Variants in BMPER observed in about 807,000 individuals in gnomAD.
BMPER encodes BMP-binding endothelial regulator protein.
In BMPER, 45 loss-of-function variants were observed where a neutral mutation model predicts 87.3. The ratio of observed to expected loss-of-function variants is 0.52; its 90% CI spans 0.41 to 0.66. The LOEUF (loss-of-function observed/expected upper bound fraction) is 0.66, where lower values mean the gene tolerates loss of function less well. BMPER is among the 30% of genes least tolerant of loss of function. The pLI is 0.00. For synonymous variants in BMPER, 326 were observed against 316.2 expected, an observed-to-expected ratio of 1.03 and a Z score of -0.33; for missense variants, 784 against 867.5, an observed-to-expected ratio of 0.90 and a Z score of 1.21.
chr7:34,079,333 C>T lies in BMPER; in HGVS notation c.1408+147C>T, dbSNP rs1251412242. ...GCCAGGTTCCAACTGCGGGACTTGCCTCATCCCCACTCACAGGGAAGTCAC... is the reference window on the plus strand; with the variant it reads ...GCCAGGTTCCAACTGCGGGACTTGCTTCATCCCCACTCACAGGGAAGTCAC... On this transcript the variant is annotated intron_variant, in intron 12 of 14. Transcript: ENST00000649409. 1.1e-5 allele frequency: 11 copies of T among 969,816 alleles called. No individual in the cohort carries two copies. The East Asian group carries it at 2.6e-4, about 23-fold the overall frequency. 60.1% of individuals were successfully genotyped at this position (969,816 alleles called of 1,614,324 possible). A position where few individuals can be genotyped will look rare whatever the true frequency, so the allele number is the denominator to read the frequency against.
chr7:34,012,437 T>C (rs1037368353), intron 6 of BMPER, among the ~76,000 whole-genome samples: 18 of 151,956 alleles, frequency 1.2e-4, no homozygotes, highest in African/African-American at 4.3e-4. Context: ...GGAAACTGAC[T>C]CACTTTTCAG....
chr7:34,078,509 T>C (rs1788924437), intron 11 of BMPER, among the ~76,000 whole-genome samples: 1 of 152,228 alleles, frequency 6.6e-6, no homozygotes, highest in South Asian at 2.1e-4. Context: ...TATACTTACT[T>C]TGCTCTTGTA....
chr7:33,919,300 AG>A (rs1006323644), intron 2 of BMPER, among the ~76,000 whole-genome samples: 3 of 152,162 alleles, frequency 2.0e-5, no homozygotes, highest in Admixed American at 6.6e-5. Flanking sequence ...GACTTTTTCA[AG>A]GGAGATATTT....
chr7:33,962,408 T>G (rs56759297), intron 3 of BMPER, among the ~76,000 whole-genome samples: 1 of 152,168 alleles, frequency 6.6e-6, no homozygotes, highest in Non-Finnish European at 1.5e-5. Context: ...AAGAACCATA[T>G]TGAGCTTTGT....
chr7:34,082,328 G>GTTTTTTTTTTTT (rs55748957), intron 12 of BMPER, among the ~76,000 whole-genome samples: 2 of 116,418 alleles, frequency 1.7e-5, no homozygotes, highest in Admixed American at 9.7e-5. Flanking sequence ...CAACTTATTA[G>GTTTTTTTTTTTT]TTTTTTTTTT....
At chr7:33,955,951 A>G (rs922774024) in intron 3 of BMPER, among the ~76,000 whole-genome samples, 1 of 152,146 alleles carries the variant, frequency 6.6e-6, no homozygotes, top group East Asian at 1.9e-4. Flanking sequence ...TGCCAAAACA[A>G]TGTGATGGAA....
intron 13 of BMPER, among the ~76,000 whole-genome samples, chr7:34,112,227 G>T (rs1252759323): frequency 6.6e-6 from 1 of 151,996 alleles, no homozygotes; most frequent in Non-Finnish European, 1.5e-5. Context: ...AGGCGCGGTG[G>T]CTCACACCTG....
rs769898399 is a variant in BMPER at position 34,143,248 on chromosome 7, G to A, written c.1764G>A (p.Met588Ile). The change falls in exon 14 of 15, where the codon ATG becomes ATA. Residue 588 changes from methionine to isoleucine, a missense_variant. Coordinates refer to ENST00000649409, the MANE Select transcript of BMPER (RefSeq NM_001365308.1). ...CCTATAGGTCCTGTGTGACAGACAT[G>A]TGTGAATGTCCAGTCCATAAAAACT... ...ATFYRSCVTD[M>I]CECPVHKNCY... 5.0e-6 allele frequency: 8 copies of A among 1,613,916 alleles called. No individual in the cohort carries two copies. In the African/African-American group the frequency reaches 8.0e-5, roughly 16 times the overall value.
chr7:34,009,483 G>A (rs1213214908), intron 6 of BMPER, among the ~76,000 whole-genome samples: 1 of 151,882 alleles, frequency 6.6e-6, no homozygotes, highest in Non-Finnish European at 1.5e-5. Flanking sequence ...TACAAGACTG[G>A]TGTATTGGCC....
rs149222110 is a variant in BMPER, at chr7:34,067,676, A to G, written c.1078+5629A>G. On this transcript the variant is annotated intron_variant, in intron 11 of 14. Coordinates refer to ENST00000649409, the MANE Select transcript of BMPER (RefSeq NM_001365308.1). ...AAGTGGCCACTGAAGTTTCTGCTCCAGCATCTGGAGTCGGGCTTGACACTG... is the reference window on the plus strand; with the variant it reads ...AAGTGGCCACTGAAGTTTCTGCTCCGGCATCTGGAGTCGGGCTTGACACTG... Among the ~76,000 whole-genome samples the G allele has an allele frequency of 4.4e-3, 675 of 152,296 alleles. 5 individuals are homozygous for G. Among genetic ancestry groups the G allele is most frequent in the African/African-American group, 0.015 (628 of 41,574 alleles).
At chr7:34,118,575 T>C (rs541019876) in intron 13 of BMPER, among the ~76,000 whole-genome samples, 1 of 152,100 alleles carries the variant, frequency 6.6e-6, no homozygotes, top group African/African-American at 2.4e-5. Context: ...TGTATGTGGT[T>C]TTCAAGGAAA....
chr7:33,932,449 C>CT (rs1243190306), intron 2 of BMPER, among the ~76,000 whole-genome samples: 2 of 152,240 alleles, frequency 1.3e-5, no homozygotes, highest in Non-Finnish European at 2.9e-5. Flanking sequence ...CAAATGACAG[C>CT]TGTTTGCCTC....
chr7:34,140,458 C>A (rs1790835834), intron 13 of BMPER, among the ~76,000 whole-genome samples: 2 of 152,196 alleles, frequency 1.3e-5, no homozygotes, highest in African/African-American at 2.4e-5. Flanking sequence ...CTGGCTTGGA[C>A]AAATATTTTT....
intron 6 of BMPER, among the ~76,000 whole-genome samples, chr7:33,985,045 A>G (rs969752626): frequency 1.3e-5 from 2 of 152,214 alleles, no homozygotes; most frequent in African/African-American, 2.4e-5. Flanking sequence ...GCATTCAAAA[A>G]TGAAGAGGAA....
chr7:33,973,789 G>T (rs906647063), intron 5 of BMPER, among the ~76,000 whole-genome samples: 14 of 152,224 alleles, frequency 9.2e-5, no homozygotes, highest in African/African-American at 3.4e-4. Flanking sequence ...CCAGCACCTT[G>T]TGAGGTCAGT....
Position 34,153,344 on chromosome 7 carries a change from C to G in BMPER, c.*71C>G. The G allele has an allele frequency of 6.5e-7, 1 of 1,545,894 alleles. No individual in the cohort carries two copies. Among genetic ancestry groups the G allele is most frequent in the Non-Finnish European group, 8.9e-7 (1 of 1,120,486 alleles). On this transcript the variant is annotated 3_prime_UTR_variant, in exon 15 of 15. Coordinates refer to ENST00000649409, the MANE Select transcript of BMPER (RefSeq NM_001365308.1). Reference sequence around the variant, plus strand: ...CTGAAGCGGAAGAGCCAATGAAGGACTGCAGTATTTGTGTGCCCGATTCTG... The same window carrying G: ...CTGAAGCGGAAGAGCCAATGAAGGAGTGCAGTATTTGTGTGCCCGATTCTG...
At chr7:33,954,781 G>A (rs1325630961) in intron 3 of BMPER, among the ~76,000 whole-genome samples, 1 of 152,234 alleles carries the variant, frequency 6.6e-6, no homozygotes, top group African/African-American at 2.4e-5. Context: ...GGCTTATGGT[G>A]TGGAGGTTTC....
chr7:34,021,530 G>C (rs972229615), intron 6 of BMPER, among the ~76,000 whole-genome samples: 1 of 151,962 alleles, frequency 6.6e-6, no homozygotes, highest in Admixed American at 6.6e-5. Context: ...TGAGGCAATT[G>C]TACCTATGGT....
At chr7:34,005,169 A>G (rs143356158) in intron 6 of BMPER, among the ~76,000 whole-genome samples, 3 of 152,232 alleles carry the variant, frequency 2.0e-5, no homozygotes, top group Admixed American at 1.3e-4. Flanking sequence ...TAAAATAGTG[A>G]CAGTACCCTG....
Sources: allele counts gnomAD v4.1 joint callset (sites outside exome capture counted in the v4.1 genomes callset), GRCh38; gene constraint gnomAD v4.1.1; transcripts MANE v1.5; gene names NCBI Gene and HGNC (gene_info 2026-07-23, HGNC 2026-07-21).